The following DIP2A variants were observed in gnomAD, a reference collection of about 807,000 sequenced individuals.
DIP2A encodes the protein disco-interacting protein 2 homolog A.
In DIP2A, 85 loss-of-function variants were observed where a neutral mutation model predicts 177.4. The ratio of observed to expected loss-of-function variants is 0.48; its 90% CI spans 0.40 to 0.57. The LOEUF is 0.57. Ranked by LOEUF, DIP2A falls within the 20% of genes least tolerant of loss-of-function variation. The pLI, the probability that DIP2A is intolerant of heterozygous loss-of-function variation, is 0.00. For synonymous variants in DIP2A, 886 were observed against 881.8 expected (o/e 1.00, Z -0.08); for missense variants, 1,791 against 2,100.2 (o/e 0.85, Z 2.88).
At chr21:46,518,750 G>A (rs188547365) in intron 8 of DIP2A, among the ~76,000 whole-genome samples, 79 of 152,286 alleles carry the variant, frequency 5.2e-4, no homozygotes, top group African/African-American at 1.4e-3. Flanking sequence ...CCAGCTACTC[G>A]GGAGGCTGAG....
At chr21:46,519,858 T>C (rs1215064830) in intron 8 of DIP2A, among the ~76,000 whole-genome samples, 1 of 35,288 alleles carries the variant, frequency 2.8e-5, no homozygotes, top group African/African-American at 1.6e-4. Flanking sequence ...GATCTAGATT[T>C]TTTTTTTTTT....
At chr21:46,526,190 G>A (rs1369574164) in intron 8 of DIP2A, among the ~76,000 whole-genome samples, 3 of 151,890 alleles carry the variant, frequency 2.0e-5, no homozygotes, top group Admixed American at 6.6e-5. Context: ...GATTACAAGC[G>A]TGAGCCACCC....
At chr21:46,468,650 C>T (rs2055075997) in intron 1 of DIP2A, among the ~76,000 whole-genome samples, 2 of 152,032 alleles carry the variant, frequency 1.3e-5, no homozygotes, top group Admixed American at 1.3e-4. Context: ...GTTAACAATA[C>T]TGTATTGTAT....
At chr21:46,478,399 A>G (rs2056090843) in intron 1 of DIP2A, among the ~76,000 whole-genome samples, 1 of 151,710 alleles carries the variant, frequency 6.6e-6, no homozygotes, top group Non-Finnish European at 1.5e-5. Flanking sequence ...TTTAGTAGAG[A>G]TAGGGTTTCT....
chr21:46,496,399 G>A (rs1487995977), intron 3 of DIP2A, among the ~76,000 whole-genome samples: 1 of 152,142 alleles, frequency 6.6e-6, no homozygotes, highest in East Asian at 1.9e-4. Context: ...GTCCTTATTA[G>A]ATATTTCTGG....
At position 46,534,074 on chromosome 21, in the gene DIP2A, T is replaced by A. The variant is rs756599794; in HGVS notation, c.1500T>A (p.Pro500=). ...HLAKPPKDWH[P]LAQDTGTGTA... ...CCAAGCCCCCAAAGGACTGGCACCC[T>A]CTGGCCCAGGACACAGGGACTGGGA... Residue 500 remains proline (P), a synonymous_variant, in exon 12 of 38, where the codon CCT becomes CCA. Coordinates refer to ENST00000417564, the MANE Select transcript of DIP2A (RefSeq NM_015151.4). 6.2e-7 allele frequency: 1 copy of A among 1,613,912 alleles called. No homozygotes were observed. The highest frequency in any genetic ancestry group is 1.1e-5 in the South Asian group (1 of 91,050).
chr21:46,487,806 C>G (rs2056781031), intron 2 of DIP2A, among the ~76,000 whole-genome samples: 1 of 152,118 alleles, frequency 6.6e-6, no homozygotes, highest in African/African-American at 2.4e-5. Flanking sequence ...AAGAAATAAC[C>G]AAGACCCTAA....
intron 1 of DIP2A, among the ~76,000 whole-genome samples, chr21:46,467,250 C>T (rs532093333): frequency 3.4e-5 from 5 of 147,736 alleles, no homozygotes; most frequent in South Asian, 2.1e-4. Context: ...GAGCCGATAT[C>T]GCACCGCTGC....
chr21:46,511,462 C>T lies in DIP2A; in HGVS notation c.950C>T (p.Thr317Met), dbSNP rs780392483. ...PNQPKPEGSE[T>M]SVLRGEPLTA... ...CAGCCAAAGCCTGAGGGAAGCGAGACGAGTGTGCTGAGAGGGGAGCCTCTC... is the reference window on the plus strand; with the variant it reads ...CAGCCAAAGCCTGAGGGAAGCGAGATGAGTGTGCTGAGAGGGGAGCCTCTC... Residue 317 changes from threonine to methionine, a missense_variant, in exon 8 of 38, where the codon ACG becomes ATG. Coordinates refer to ENST00000417564, the MANE Select transcript of DIP2A (RefSeq NM_015151.4). 3.7e-6 allele frequency: 6 copies of T among 1,613,006 alleles called. No individual in the cohort carries two copies. Among genetic ancestry groups the T allele is most frequent in the East Asian group, 4.5e-5 (2 of 44,828 alleles).
chr21:46,509,615 C>T (rs577078338), intron 7 of DIP2A, among the ~76,000 whole-genome samples: 25 of 152,228 alleles, frequency 1.6e-4, no homozygotes, highest in East Asian at 3.9e-4. Flanking sequence ...AATTCTTCTA[C>T]GGTTTTATTT....
At chr21:46,469,841 C>G (rs2055190756) in intron 1 of DIP2A, among the ~76,000 whole-genome samples, 1 of 152,120 alleles carries the variant, frequency 6.6e-6, no homozygotes, top group Admixed American at 6.5e-5. Context: ...CATAAATCTC[C>G]CTTTCACGTA....
chr21:46,513,453 G>A (rs1162575063), intron 8 of DIP2A, among the ~76,000 whole-genome samples: 1 of 152,146 alleles, frequency 6.6e-6, no homozygotes, highest in Admixed American at 6.5e-5. Flanking sequence ...GGCGGGGGGT[G>A]TTGTCAGTCT....
the DIP2A span, among the ~76,000 whole-genome samples, chr21:46,580,657 A>G: frequency 6.6e-6 from 1 of 152,168 alleles, no homozygotes; most frequent in African/African-American, 2.4e-5. Context: ...TGAATTCCTC[A>G]GCATTTGCTT....
chr21:46,554,052 T>C lies in DIP2A; in HGVS notation c.3031-117T>C, dbSNP rs1282702971. On this transcript the variant is annotated intron_variant, in intron 25 of 37. Transcript: ENST00000417564. ...TAGGACTGACACATTGTCATTATCATGGACGCTAATCACAAGGTGTCGTGT... is the reference window on the plus strand; with the variant it reads ...TAGGACTGACACATTGTCATTATCACGGACGCTAATCACAAGGTGTCGTGT... 3 of 1,345,272 alleles carry C rather than the reference T, an allele frequency of 2.2e-6. No homozygotes were observed. The African/African-American group carries it at 4.4e-5, about 20-fold the overall frequency. 83.3% of individuals were successfully genotyped at this position (1,345,272 alleles called of 1,614,324 possible).
In DIP2A at chr21:46,521,304, C is replaced by T. The variant is rs113310362; in HGVS notation, c.1103-7788C>T. ...CCTGGGTTCAAGCAATTCTTCTGCC[C>T]CAGCCTCCTGAGTAGCTGGGACTAC... is the stretch of plus-strand genomic sequence containing the variant. On this transcript the variant is annotated intron_variant, in intron 8 of 37. Transcript: ENST00000417564. Among the ~76,000 whole-genome samples, 8 of 152,120 alleles carry T rather than the reference C, an allele frequency of 5.3e-5. No individual in the cohort carries two copies. In the Middle Eastern group the frequency reaches 0.01, roughly 194 times the overall value.
chr21:46,499,184 C>T (rs1010972886), intron 5 of DIP2A, among the ~76,000 whole-genome samples: 1 of 152,154 alleles, frequency 6.6e-6, no homozygotes, highest in African/African-American at 2.4e-5. Flanking sequence ...TGGGAAATGT[C>T]CTTTTGGTAA....
intron 1 of DIP2A, among the ~76,000 whole-genome samples, chr21:46,460,584 C>G (rs2054206306): frequency 6.6e-6 from 1 of 152,164 alleles, no homozygotes; most frequent in South Asian, 2.1e-4. Flanking sequence ...TAATCCTTGC[C>G]AACCTTAGGG....
At chr21:46,515,293 A>T (rs2058519948) in intron 8 of DIP2A, among the ~76,000 whole-genome samples, 1 of 152,190 alleles carries the variant, frequency 6.6e-6, no homozygotes, top group Non-Finnish European at 1.5e-5. Flanking sequence ...GGGCTTGTGG[A>T]GACTGTCAGT....
chr21:46,480,893 C>T (rs902953579), intron 1 of DIP2A, among the ~76,000 whole-genome samples: 1 of 152,164 alleles, frequency 6.6e-6, no homozygotes, highest in African/African-American at 2.4e-5. Context: ...CTTAGCCACA[C>T]TTGGTCCATT....
Sources: gnomAD v4.1 joint callset for allele counts (sites outside exome capture counted in the v4.1 genomes callset) on GRCh38, gnomAD v4.1.1 for gene constraint, MANE v1.5 for transcripts, NCBI Gene and HGNC (gene_info 2026-07-23, HGNC 2026-07-21) for gene names.